The following EPS8 variants were observed in gnomAD, a reference collection of about 807,000 sequenced individuals.
EPS8 encodes EGFR pathway substrate 8, signaling adaptor.
Under a neutral mutation model 103.8 loss-of-function variants are expected in EPS8, and 42 were observed. The observed-to-expected ratio is 0.40, with a 90% CI of 0.32 to 0.52. The LOEUF (loss-of-function observed/expected upper bound fraction) is 0.52. Ranked by LOEUF, EPS8 falls within the 20% of genes least tolerant of loss-of-function variation. The probability of loss-of-function intolerance (pLI) is 0.40; values close to 1 mark genes in which losing one functional copy is unlikely to be tolerated. For synonymous variants in EPS8, 344 were observed against 344.6 expected (o/e 1.00, Z 0.02); for missense variants, 969 against 1,005.1 (o/e 0.96, Z 0.49).
intron 1 of EPS8, chr12:15,683,931 C>T (rs556647511): frequency 6.6e-6 from 1 of 152,096 alleles, no homozygotes; most frequent in Non-Finnish European, 1.5e-5. Context: ...GCAGGACATA[C>T]CCCAGCTTTA....
intron 3 of EPS8, among the ~76,000 whole-genome samples, chr12:15,672,103 A>T (rs1302352397): frequency 2.6e-5 from 4 of 152,038 alleles, no homozygotes; most frequent in African/African-American, 9.7e-5. Context: ...CCAACAACCT[A>T]TTTTTTTGTA....
At chr12:15,715,740 C>T (rs1036822591) in intron 1 of EPS8, among the ~76,000 whole-genome samples, 6 of 151,952 alleles carry the variant, frequency 3.9e-5, no homozygotes, top group Non-Finnish European at 7.4e-5. Flanking sequence ...CTGCTGGCCT[C>T]GGCCTCCCAA....
At position 15,654,251 on chromosome 12, in the gene EPS8, G is replaced by A; in HGVS notation, c.1144C>T (p.Leu382Phe). The A allele has an allele frequency of 6.2e-7, 1 of 1,613,616 alleles. No individual in the cohort carries two copies. The highest frequency in any genetic ancestry group is 8.5e-7 in the Non-Finnish European group (1 of 1,179,626). Residue 382 changes from leucine (L) to phenylalanine (F), a missense_variant, in exon 13 of 21, where the codon CTT (leucine) becomes TTT (phenylalanine). Physicochemically the swap from Leu to Phe is conservative, Grantham distance 22 (BLOSUM62 0). Coordinates refer to ENST00000281172, the MANE Select transcript of EPS8 (RefSeq NM_004447.6). ...TGGPELASSV[L>F]SPLLNKDTID... Reference sequence around the variant, plus strand: ...GTGTCCTTATTCAATAGGGGACTAAGTACTGAACTGGCTAGTTCAGGACCT... The same window carrying A: ...GTGTCCTTATTCAATAGGGGACTAAATACTGAACTGGCTAGTTCAGGACCT...
intron 15 of EPS8, among the ~76,000 whole-genome samples, chr12:15,646,916 A>G (rs930117452): frequency 6.6e-6 from 1 of 152,234 alleles, no homozygotes; most frequent in African/African-American, 2.4e-5. Context: ...ATCCAAAGGC[A>G]TTTGCACTAA....
At chr12:15,676,973 T>A (rs976656192) in intron 3 of EPS8, among the ~76,000 whole-genome samples, 1 of 152,198 alleles carries the variant, frequency 6.6e-6, no homozygotes, top group African/African-American at 2.4e-5. Context: ...AATACAATTA[T>A]ACCACTTATA....
chr12:15,698,634 A>G lies in EPS8; in HGVS notation c.-21-15662T>C, dbSNP rs1946272616. On this transcript the variant is annotated intron_variant, in intron 1 of 20. Coordinates refer to ENST00000281172, the MANE Select transcript of EPS8 (RefSeq NM_004447.6). The surrounding 1 kb of genome is among the most constrained non-coding windows in gnomAD (Gnocchi z 4.9). ...CGGCACATAGTAGCACATTCAAACTATTTAGCTGGGGAAAACATGATGACT... is the reference window on the plus strand; with the variant it reads ...CGGCACATAGTAGCACATTCAAACTGTTTAGCTGGGGAAAACATGATGACT... Among the ~76,000 whole-genome samples the G allele has an allele frequency of 6.6e-6, 1 of 152,020 alleles. No individual in the cohort carries two copies. The highest frequency in any genetic ancestry group is 1.5e-5 in the Non-Finnish European group (1 of 68,020).
chr12:15,680,036 G>C (rs1945977563), intron 3 of EPS8, among the ~76,000 whole-genome samples: 1 of 151,988 alleles, frequency 6.6e-6, no homozygotes. Context: ...ACATTCTCTA[G>C]ATCTACAATT....
In EPS8 at chr12:15,780,020, T is replaced by G. The variant is rs1248001930; in HGVS notation, c.-22+9141A>C. On this transcript the variant is annotated intron_variant, in intron 1 of 20. Transcript: ENST00000281172. This position sits in a 1 kb window ranked among gnomAD's most constrained non-coding sequence, Gnocchi z 4.1. ...TCACCCAAAAACATGCAAGTTCTCT[T>G]TCTTAAATTCCATATAATCACTTGA... is the stretch of plus-strand genomic sequence containing the variant. 6.6e-6 allele frequency: 1 copy of G among 152,166 alleles called. No individual in the cohort carries two copies. Among genetic ancestry groups the G allele is most frequent in the Non-Finnish European group, 1.5e-5 (1 of 68,022 alleles). 9.4% of individuals were successfully genotyped at this position (152,166 alleles called of 1,614,324 possible). A position where few individuals can be genotyped will look rare whatever the true frequency, so the allele number is the denominator to read the frequency against.
Position 15,738,029 on chromosome 12 carries a change from G to A in EPS8, c.-22+51132C>T, listed in dbSNP as rs557007775. On this transcript the variant is annotated intron_variant, in intron 1 of 20. Coordinates refer to ENST00000281172, the MANE Select transcript of EPS8 (RefSeq NM_004447.6). This position sits in a 1 kb window ranked among gnomAD's most constrained non-coding sequence, Gnocchi z 6.2. ...ATTAGCTAAACAAATAGTAAATGAG[G>A]GGAATTCGCTCTTCACAGAAATATT... 6.6e-6 allele frequency among the ~76,000 whole-genome samples: 1 copy of A among 151,910 alleles called. No homozygotes were observed. Among genetic ancestry groups the A allele is most frequent in the East Asian group, 1.9e-4 (1 of 5,180 alleles).
intron 12 of EPS8, chr12:15,657,761 C>G (rs1945533077): frequency 4.6e-6 from 1 of 219,666 alleles, no homozygotes; most frequent in Admixed American, 6.1e-5. Flanking sequence ...AGAAAAACAT[C>G]TACGTTATTC....
At position 15,769,164 on chromosome 12, in the gene EPS8, C is replaced by A. The variant is rs1220414065; in HGVS notation, c.-22+19997G>T. Among the ~76,000 whole-genome samples, 4 of 151,744 alleles carry A rather than the reference C, an allele frequency of 2.6e-5. No individual in the cohort carries two copies. Among genetic ancestry groups the A allele is most frequent in the African/African-American group, 7.3e-5 (3 of 41,300 alleles). On this transcript the variant is annotated intron_variant, in intron 1 of 20. Coordinates refer to ENST00000281172, the MANE Select transcript of EPS8 (RefSeq NM_004447.6). This position sits in a 1 kb window ranked among gnomAD's most constrained non-coding sequence, Gnocchi z 4.6. Reference sequence around the variant, plus strand: ...CATTAACCAGGATCACATGAACTAACCTGAAAGAAAAAAACAGGAGTTCTC... The same window carrying A: ...CATTAACCAGGATCACATGAACTAAACTGAAAGAAAAAAACAGGAGTTCTC...
chr12:15,682,132 T>G (rs1377908871), intron 2 of EPS8, among the ~76,000 whole-genome samples: 1 of 152,072 alleles, frequency 6.6e-6, no homozygotes, highest in African/African-American at 2.4e-5. Flanking sequence ...GAGAATCAAG[T>G]GAGGAAAAGG....
At chr12:15,648,992 G>A (rs894757375) in intron 14 of EPS8, among the ~76,000 whole-genome samples, 11 of 152,082 alleles carry the variant, frequency 7.2e-5, no homozygotes, top group Non-Finnish European at 1.0e-4. Context: ...GGATGATTAC[G>A]TTTTTTTGCT....
intron 17 of EPS8, among the ~76,000 whole-genome samples, chr12:15,638,433 G>T (rs4764216): frequency 0.79 from 120,747 of 152,042 alleles, 53,380 homozygotes; most frequent in Non-Finnish European, 0.97. Context: ...ATTTTCAGGA[G>T]GTGTTAAAAA....
chr12:15,687,843 G>A (rs1946116460), intron 1 of EPS8, among the ~76,000 whole-genome samples: 1 of 152,142 alleles, frequency 6.6e-6, no homozygotes, highest in African/African-American at 2.4e-5. Flanking sequence ...AGTTCAAAAT[G>A]TTTTGATATT....
intron 18 of EPS8, among the ~76,000 whole-genome samples, chr12:15,630,119 C>T (rs556946976): frequency 3.3e-5 from 5 of 151,874 alleles, no homozygotes; most frequent in South Asian, 2.1e-4. Flanking sequence ...ATGTGGAAAA[C>T]GAAGGCAGAA....
In EPS8 at chr12:15,776,729, T is replaced by C. The variant is rs1305115647; in HGVS notation, c.-22+12432A>G. On this transcript the variant is annotated intron_variant, in intron 1 of 20. Coordinates refer to ENST00000281172, the MANE Select transcript of EPS8 (RefSeq NM_004447.6). This position sits in a 1 kb window ranked among gnomAD's most constrained non-coding sequence, Gnocchi z 4.2. The stretch of plus-strand genomic sequence containing the variant: ...TAGATATAGCTTATGAAGAGCACAG[T>C]GTTAGTAAAAATGGCTGATGGGTTC... Among the ~76,000 whole-genome samples, 3 of 152,194 alleles carry C rather than the reference T, an allele frequency of 2.0e-5. No individual in the cohort carries two copies. Among genetic ancestry groups the C allele is most frequent in the African/African-American group, 7.2e-5 (3 of 41,454 alleles).
chr12:15,655,646 T>G lies in EPS8; in HGVS notation c.1102-1353A>C, dbSNP rs1045482422. The stretch of plus-strand genomic sequence containing the variant: ...TAGCAATAAGAGGGAAAAGTAAAAC[T>G]AAAGAAAATGAGTAGAGGAATATAA... On this transcript the variant is annotated intron_variant, in intron 12 of 20. Transcript: ENST00000281172. 5.9e-5 allele frequency among the ~76,000 whole-genome samples: 9 copies of G among 151,948 alleles called. No homozygotes were observed. In the East Asian group the frequency reaches 1.7e-3, roughly 29 times the overall value.
chr12:15,773,648 T>C (rs1384350529), intron 1 of EPS8, among the ~76,000 whole-genome samples: 1 of 152,152 alleles, frequency 6.6e-6, no homozygotes, highest in African/African-American at 2.4e-5. Context: ...TAATGTGATA[T>C]TAACAAGTCT....
Sources: allele counts gnomAD v4.1 joint callset (sites outside exome capture counted in the v4.1 genomes callset), GRCh38; gene constraint gnomAD v4.1.1; non-coding constraint Gnocchi (gnomAD v3.1); transcripts MANE v1.5; gene names NCBI Gene and HGNC (gene_info 2026-07-23, HGNC 2026-07-21).